The following MAD1L1 variants were observed in gnomAD, a reference collection of about 807,000 sequenced individuals.
The protein encoded by MAD1L1 is mitotic spindle assembly checkpoint protein MAD1.
MAD1L1 carries 95 observed loss-of-function variants against 96.9 expected under a neutral mutation model. The observed-to-expected ratio is 0.98, with a 90% CI of 0.83 to 1.16. The LOEUF is 1.16. Among genes scored for constraint, MAD1L1 ranks in the 50% most tolerant of loss-of-function variants. MAD1L1 has a pLI of 0.00. For synonymous variants in MAD1L1, 473 were observed against 396.6 expected (o/e 1.19, Z -2.29); for missense variants, 1,007 against 954.4 (o/e 1.06, Z -0.73).
At chr7:1,945,482 C>T (rs1332509927) in intron 16 of MAD1L1, among the ~76,000 whole-genome samples, 2 of 152,236 alleles carry the variant, frequency 1.3e-5, no homozygotes, top group Admixed American at 1.3e-4. Flanking sequence ...TGGAACCCTT[C>T]TCCAAGTCGT....
intron 10 of MAD1L1, among the ~76,000 whole-genome samples, chr7:2,150,192 C>A (rs965283542): frequency 6.6e-6 from 1 of 152,128 alleles, no homozygotes; most frequent in Non-Finnish European, 1.5e-5. Context: ...GGAGAGGTCC[C>A]AGTCACTCTG....
intron 10 of MAD1L1, among the ~76,000 whole-genome samples, chr7:2,182,690 A>G (rs1385317147): frequency 2.0e-5 from 3 of 152,196 alleles, no homozygotes; most frequent in Non-Finnish European, 4.4e-5. Flanking sequence ...ACGTGCTGAG[A>G]GGAAAGCGCC....
chr7:2,004,801 C>T (rs1331581161), intron 13 of MAD1L1, among the ~76,000 whole-genome samples: 2 of 152,260 alleles, frequency 1.3e-5, no homozygotes, highest in South Asian at 4.1e-4. Flanking sequence ...GAGGCCGAGG[C>T]GTCCACCTCC....
chr7:1,866,165 G>A (rs1784771792), intron 18 of MAD1L1, among the ~76,000 whole-genome samples: 2 of 152,236 alleles, frequency 1.3e-5, no homozygotes, highest in Non-Finnish European at 2.9e-5. Flanking sequence ...ACGCCCGGGT[G>A]CACACTGGGA....
intron 12 of MAD1L1, among the ~76,000 whole-genome samples, chr7:2,034,396 T>C (rs1231915559): frequency 1.3e-5 from 2 of 152,072 alleles, no homozygotes; most frequent in Admixed American, 6.5e-5. Flanking sequence ...TTTTGTATTT[T>C]AGTAGAGACG....
chr7:2,229,983 C>A lies in MAD1L1; in HGVS notation c.150+1G>T, dbSNP rs768356503. On this transcript the variant is annotated splice_donor_variant, in intron 3 of 18. Transcript: ENST00000265854. LOFTEE classifies it high-confidence loss of function. ...CTCCCACCCAGGCACATGCCACTCA[C>A]CTGCATGCTCTGCTGGTACTGCATC... The A allele has an allele frequency of 2.5e-6, 4 of 1,612,320 alleles. No individual in the cohort carries two copies. The highest frequency in any genetic ancestry group is 8.5e-7 in the Non-Finnish European group (1 of 1,179,978).
chr7:2,106,949 C>A (rs117375491), intron 11 of MAD1L1, among the ~76,000 whole-genome samples: 2,500 of 152,282 alleles, frequency 0.016, 30 homozygotes, highest in Non-Finnish European at 0.026. Flanking sequence ...GCCCAGTCCC[C>A]TAGAGGAGCG....
At chr7:1,830,507 A>G (rs1250384942) in intron 18 of MAD1L1, among the ~76,000 whole-genome samples, 18 of 152,272 alleles carry the variant, frequency 1.2e-4, no homozygotes, top group Non-Finnish European at 2.5e-4. Flanking sequence ...AGACATATAC[A>G]ACATTTACAA....
intron 10 of MAD1L1, among the ~76,000 whole-genome samples, chr7:2,178,913 G>C (rs563496785): frequency 4.0e-5 from 6 of 149,154 alleles, no homozygotes; most frequent in Non-Finnish European, 8.9e-5. Context: ...GAAAAGAAAA[G>C]AAAAACTACT....
intron 18 of MAD1L1, among the ~76,000 whole-genome samples, chr7:1,841,474 C>G (rs1783252763): frequency 6.6e-6 from 1 of 152,228 alleles, no homozygotes; most frequent in Non-Finnish European, 1.5e-5. Context: ...AAGAGGAAGT[C>G]ACGGAACCGG....
intron 16 of MAD1L1, among the ~76,000 whole-genome samples, chr7:1,942,441 G>A (rs937713533): frequency 2.6e-5 from 4 of 152,326 alleles, no homozygotes; most frequent in South Asian, 4.1e-4. Flanking sequence ...CTCGGAGCCC[G>A]CGCGCCACAC....
intron 12 of MAD1L1, among the ~76,000 whole-genome samples, chr7:2,062,298 C>A (rs1441348292): frequency 6.8e-6 from 1 of 147,294 alleles, no homozygotes; most frequent in Non-Finnish European, 1.5e-5. Flanking sequence ...AGGCCGGACA[C>A]AGTGGCTCAC....
intron 12 of MAD1L1, among the ~76,000 whole-genome samples, chr7:2,060,507 T>C (rs560906449): frequency 9.7e-4 from 148 of 151,920 alleles, no homozygotes; most frequent in Non-Finnish European, 1.7e-3. Flanking sequence ...GAGACCGAGA[T>C]AACGCTAATG....
intron 10 of MAD1L1, chr7:2,175,492 CCAAA>C (rs781146756): frequency 1.7e-4 from 14 of 84,400 alleles, no homozygotes; most frequent in South Asian, 3.7e-4. Context: ...TGAACCTTTG[CCAAA>C]AAAAAAAAAA....
chr7:2,065,638 G>C (rs1480076537), intron 12 of MAD1L1, among the ~76,000 whole-genome samples: 1 of 152,142 alleles, frequency 6.6e-6, no homozygotes. Context: ...AACTCCAGAA[G>C]ACACAAATCT....
intron 17 of MAD1L1, among the ~76,000 whole-genome samples, chr7:1,907,092 G>A (rs1787682945): frequency 6.6e-6 from 1 of 152,116 alleles, no homozygotes; most frequent in Non-Finnish European, 1.5e-5. Flanking sequence ...GCCTCCAGGG[G>A]CTTCAGCCTG....
chr7:2,005,305 G>A (rs767355458), intron 13 of MAD1L1, among the ~76,000 whole-genome samples: 5 of 152,308 alleles, frequency 3.3e-5, no homozygotes, highest in Middle Eastern at 3.4e-3. Context: ...AGACATCCAC[G>A]GGGTCCTGTG....
intron 17 of MAD1L1, among the ~76,000 whole-genome samples, chr7:1,913,376 G>A (rs1370706979): frequency 1.3e-5 from 2 of 151,934 alleles, no homozygotes; most frequent in Non-Finnish European, 1.5e-5. Flanking sequence ...GCGTGGGGTG[G>A]GGGATCCATC....
chr7:2,014,820 C>T (rs1782464213), intron 12 of MAD1L1, among the ~76,000 whole-genome samples, 178 bp from the exon 13 acceptor site: 1 of 152,214 alleles, frequency 6.6e-6, no homozygotes, highest in Non-Finnish European at 1.5e-5. Flanking sequence ...CCCCAGAGTT[C>T]AGCATCCCCA....
Sources: gnomAD v4.1 joint callset for allele counts (sites outside exome capture counted in the v4.1 genomes callset) on GRCh38, gnomAD v4.1.1 for gene constraint, MANE v1.5 for transcripts, NCBI Gene and HGNC (gene_info 2026-07-23, HGNC 2026-07-21) for gene names.